SLC35F1: variants seen among roughly 807,000 people sequenced by gnomAD.
SLC35F1 encodes chromosome 6 open reading frame 169.
Under a neutral mutation model 48.7 loss-of-function variants are expected in SLC35F1, and 14 were observed. The observed-to-expected ratio is 0.29, with a 90% confidence interval of 0.19 to 0.45. The LOEUF (loss-of-function observed/expected upper bound fraction) is 0.45. Among genes scored for constraint, SLC35F1 ranks in the 20% least tolerant of loss-of-function variants. The pLI, the probability that SLC35F1 is intolerant of heterozygous loss-of-function variation, is 1.00. For synonymous variants in SLC35F1, 190 were observed against 202.2 expected (o/e 0.94, Z 0.51); for missense variants, 404 against 500.0 (o/e 0.81, Z 1.83).
At chr6:118,216,956 C>G (rs1286694451) in intron 2 of SLC35F1, among the ~76,000 whole-genome samples, 1 of 152,094 alleles carries the variant, frequency 6.6e-6, no homozygotes, top group African/African-American at 2.4e-5. Context: ...CAGCGTGATT[C>G]AAACTGAGTT....
intron 1 of SLC35F1, among the ~76,000 whole-genome samples, chr6:117,998,604 A>T (rs1777036982): frequency 7.0e-6 from 1 of 143,396 alleles, no homozygotes; most frequent in Admixed American, 6.8e-5. Flanking sequence ...TCCAACTAGA[A>T]CTCAGGATTC....
chr6:118,194,905 C>T (rs1347141608), intron 2 of SLC35F1, among the ~76,000 whole-genome samples: 3 of 151,804 alleles, frequency 2.0e-5, no homozygotes, highest in Non-Finnish European at 4.4e-5. Context: ...TTTTTTTCCC[C>T]TCTCTGTTTC....
At position 118,277,564 on chromosome 6, in the gene SLC35F1, A is replaced by G. The variant is rs766355347; in HGVS notation, c.847+18A>G. ...GCAAATAGGTAAGGAGTTGGCTCAC[A>G]TACGATGCTCTTTTTATAACCTGAG... On this transcript the variant is annotated intron_variant, in intron 6 of 7. Transcript: ENST00000360388. 160 of 1,611,182 alleles carry G rather than the reference A, an allele frequency of 9.9e-5. No homozygotes were observed. The highest frequency in any genetic ancestry group is 1.2e-4 in the Non-Finnish European group (145 of 1,177,474).
At chr6:117,916,107 G>A (rs1202471054) in intron 1 of SLC35F1, among the ~76,000 whole-genome samples, 2 of 152,218 alleles carry the variant, frequency 1.3e-5, no homozygotes, top group African/African-American at 2.4e-5. Flanking sequence ...TATTCAGACC[G>A]TGGGCTATGG....
chr6:118,272,683 G>T (rs888471791), intron 4 of SLC35F1, among the ~76,000 whole-genome samples: 1 of 148,710 alleles, frequency 6.7e-6, no homozygotes, highest in African/African-American at 2.5e-5. Context: ...AGGGTTGATT[G>T]AATAAATCTC....
At chr6:118,235,429 A>T in intron 2 of SLC35F1, 80 bp from the exon 3 acceptor site, 2 of 1,296,058 alleles carry the variant, frequency 1.5e-6, no homozygotes, top group South Asian at 1.7e-5. Flanking sequence ...ATAATGTTGC[A>T]ACATATTAGA....
At chr6:118,165,912 T>C (rs770012068) in intron 2 of SLC35F1, among the ~76,000 whole-genome samples, 5 of 152,088 alleles carry the variant, frequency 3.3e-5, no homozygotes, top group Admixed American at 6.6e-5. Flanking sequence ...GAATTCCAAA[T>C]CTCCACCAAT....
At chr6:118,144,402 A>T (rs1773939524) in intron 1 of SLC35F1, among the ~76,000 whole-genome samples, 1 of 151,738 alleles carries the variant, frequency 6.6e-6, no homozygotes, top group African/African-American at 2.4e-5. Flanking sequence ...ACACATGGAC[A>T]CAGGGAGGGA....
intron 1 of SLC35F1, among the ~76,000 whole-genome samples, chr6:118,062,203 A>G (rs1357839453): frequency 2.0e-5 from 3 of 152,300 alleles, no homozygotes; most frequent in South Asian, 2.1e-4. Flanking sequence ...AATAAATTTA[A>G]TGTTATAAGA....
At chr6:118,305,034 C>G (rs1776296062) in intron 7 of SLC35F1, among the ~76,000 whole-genome samples, 1 of 90,396 alleles carries the variant, frequency 1.1e-5, no homozygotes, top group African/African-American at 4.6e-5. Flanking sequence ...AGCAGAGAAA[C>G]AGAATCAACA....
intron 7 of SLC35F1, among the ~76,000 whole-genome samples, chr6:118,299,706 G>A (rs989638111): frequency 2.3e-4 from 35 of 152,270 alleles, no homozygotes; most frequent in African/African-American, 6.7e-4. Context: ...AAAGGCTAAA[G>A]TGCTTCTAAT....
At chr6:117,999,663 G>T (rs1370928022) in intron 1 of SLC35F1, among the ~76,000 whole-genome samples, 2 of 151,618 alleles carry the variant, frequency 1.3e-5, no homozygotes, top group Non-Finnish European at 2.9e-5. Context: ...TCCAGGAGCT[G>T]GTTTTTTGAA....
chr6:117,949,532 G>A (rs939962866), intron 1 of SLC35F1, among the ~76,000 whole-genome samples: 1 of 152,060 alleles, frequency 6.6e-6, no homozygotes, highest in Non-Finnish European at 1.5e-5. Flanking sequence ...GCCAAGGTGT[G>A]ATTTATGTGA....
chr6:118,198,951 C>G (rs1245524211), intron 2 of SLC35F1, among the ~76,000 whole-genome samples: 1 of 152,170 alleles, frequency 6.6e-6, no homozygotes, highest in Admixed American at 6.5e-5. Flanking sequence ...GACTCACAGA[C>G]AGCAAGAATC....
At chr6:117,980,330 T>C (rs1776760593) in intron 1 of SLC35F1, among the ~76,000 whole-genome samples, 1 of 152,188 alleles carries the variant, frequency 6.6e-6, no homozygotes, top group Admixed American at 6.5e-5. Flanking sequence ...ACAAGCACCC[T>C]TGATTGTCTT....
At chr6:118,100,886 T>G (rs1773248173) in intron 1 of SLC35F1, among the ~76,000 whole-genome samples, 2 of 152,136 alleles carry the variant, frequency 1.3e-5, no homozygotes, top group Non-Finnish European at 2.9e-5. Flanking sequence ...AGTCACCTCA[T>G]TAGCATAAAT....
chr6:118,110,763 CAGCAG>C lies in SLC35F1; in HGVS notation c.174-43681_174-43677del, dbSNP rs569007584. 3.6e-3 allele frequency among the ~76,000 whole-genome samples: 554 copies of C among 152,204 alleles called. 1 individual carries two copies. The highest frequency in any genetic ancestry group is 6.8e-3 in the Admixed American group (104 of 15,280). On this transcript the variant is annotated intron_variant, in intron 1 of 7. Coordinates refer to ENST00000360388, the MANE Select transcript of SLC35F1 (RefSeq NM_001029858.4). ...TTAGCTTTAATACTCTATTATTAGA[CAGCAG>C]TCTTATGGATATACTAATAAGGTGT...
At chr6:118,168,807 C>A (rs1003108955) in intron 2 of SLC35F1, among the ~76,000 whole-genome samples, 1 of 152,186 alleles carries the variant, frequency 6.6e-6, no homozygotes, top group African/African-American at 2.4e-5. Flanking sequence ...AAATTTCTAA[C>A]AAGTCCCATA....
Position 117,907,860 on chromosome 6 carries a change from G to C in SLC35F1, c.134G>C (p.Arg45Pro). Residue 45 changes from arginine (R) to proline (P), a missense_variant, in exon 1 of 8, where the codon CGG becomes CCG. By Grantham distance (103) the Arg-to-Pro change is moderately radical. Coordinates refer to ENST00000360388, the MANE Select transcript of SLC35F1 (RefSeq NM_001029858.4). ...GGGGSLSASS[R>P]AGVRQRIRKV... ...GGCGGGAGCCTGTCCGCCTCCTCCC[G>C]GGCTGGCGTGCGCCAGAGGATCCGC... 1 of 1,524,382 alleles carries C rather than the reference G, an allele frequency of 6.6e-7. No homozygotes were observed. Among genetic ancestry groups the C allele is most frequent in the South Asian group, 1.2e-5 (1 of 83,002 alleles). The allele number at this position is 1,524,382 out of a possible 1,614,324, so 94.4% of individuals were successfully genotyped here. A position where few individuals can be genotyped will look rare whatever the true frequency, so the allele number is the denominator to read the frequency against.
Sources: allele counts gnomAD v4.1 joint callset (sites outside exome capture counted in the v4.1 genomes callset), GRCh38; gene constraint gnomAD v4.1.1; transcripts MANE v1.5; gene names NCBI Gene and HGNC (gene_info 2026-07-23, HGNC 2026-07-21).